POC1A: variants seen among roughly 807,000 people sequenced by gnomAD.
The protein encoded by POC1A is POC1 centriolar protein A, also known as POC1 centriolar protein homolog A.
In POC1A, 34 loss-of-function variants were observed where a neutral mutation model predicts 47.8. The ratio of observed to expected loss-of-function variants is 0.71; its 90% CI spans 0.54 to 0.95. The LOEUF (loss-of-function observed/expected upper bound fraction) is 0.95. Ranked by LOEUF, POC1A falls within the 40% of genes least tolerant of loss-of-function variation. The pLI is 0.00. For synonymous variants in POC1A, 177 were observed against 207.6 expected, an observed-to-expected ratio of 0.85 and a Z score of 1.27; for missense variants, 466 against 528.3, an observed-to-expected ratio of 0.88 and a Z score of 1.16.
chr3:52,138,456 C>A (rs551110771), intron 6 of POC1A, among the ~76,000 whole-genome samples, 154 bp from the exon 7 acceptor site: 1 of 152,284 alleles, frequency 6.6e-6, no homozygotes, highest in South Asian at 2.1e-4. Flanking sequence ...GGGAACCCAA[C>A]AAGGATTTCC....
chr3:52,145,974 G>A lies in POC1A; in HGVS notation c.564-13C>T. Reference sequence around the variant, plus strand: ...ATAGGTGACAAAGCTGGAAAGACAGGGGCCACTATGCACTATAGGAGGTCT... The same window carrying A: ...ATAGGTGACAAAGCTGGAAAGACAGAGGCCACTATGCACTATAGGAGGTCT... On this transcript the variant is annotated splice_polypyrimidine_tract_variant and intron_variant, in intron 5 of 10. Coordinates refer to ENST00000296484, the MANE Select transcript of POC1A (RefSeq NM_015426.5). 6.6e-7 allele frequency: 1 copy of A among 1,514,864 alleles called. No individual in the cohort carries two copies. Among genetic ancestry groups the A allele is most frequent in the Non-Finnish European group, 9.2e-7 (1 of 1,090,024 alleles). 93.8% of individuals were successfully genotyped at this position (1,514,864 alleles called of 1,614,324 possible).
chr3:52,142,341 A>G (rs1427192099), intron 6 of POC1A, among the ~76,000 whole-genome samples: 1 of 152,212 alleles, frequency 6.6e-6, no homozygotes. Context: ...ACCAGCCCAA[A>G]TCCTTGCTGA....
chr3:52,077,148 G>C (rs1216698112), intron 10 of POC1A, among the ~76,000 whole-genome samples: 1 of 152,164 alleles, frequency 6.6e-6, no homozygotes, highest in East Asian at 1.9e-4. Flanking sequence ...GGCCCCTGCT[G>C]GCCAATGGAT....
At chr3:52,133,341 T>C (rs1356653629) in intron 7 of POC1A, among the ~76,000 whole-genome samples, 1 of 152,190 alleles carries the variant, frequency 6.6e-6, no homozygotes, top group Admixed American at 6.5e-5. Context: ...AACTGAGAAA[T>C]AACTTTCTGT....
At chr3:52,118,607 T>C (rs2107074224) in intron 9 of POC1A, among the ~76,000 whole-genome samples, 1 of 152,270 alleles carries the variant, frequency 6.6e-6, no homozygotes, top group African/African-American at 2.4e-5. Flanking sequence ...TGCCGTGGTC[T>C]GCTAGTGGGT....
At chr3:52,083,629 A>G (rs968347324) in intron 10 of POC1A, among the ~76,000 whole-genome samples, 3 of 151,830 alleles carry the variant, frequency 2.0e-5, no homozygotes, top group African/African-American at 4.8e-5. Context: ...ATTTCCTTTC[A>G]AGGCCTCTTC....
intron 9 of POC1A, among the ~76,000 whole-genome samples, chr3:52,103,358 C>G (rs1334398755): frequency 6.6e-6 from 1 of 152,154 alleles, no homozygotes; most frequent in Admixed American, 6.5e-5. Flanking sequence ...AACACCACGT[C>G]TCTACTAAAA....
At chr3:52,076,354 C>T (rs1186023727) in intron 10 of POC1A, among the ~76,000 whole-genome samples, 4 of 152,226 alleles carry the variant, frequency 2.6e-5, no homozygotes. Context: ...AAACCAGTTT[C>T]CTTGTCTGAG....
At chr3:52,088,387 CT>C (rs1702532076) in intron 10 of POC1A, among the ~76,000 whole-genome samples, 1 of 152,214 alleles carries the variant, frequency 6.6e-6, no homozygotes, top group Non-Finnish European at 1.5e-5. Flanking sequence ...AAATGCCATG[CT>C]AAGTTCAAGG....
chr3:52,147,658 G>C (rs1010768724), intron 4 of POC1A, among the ~76,000 whole-genome samples: 1 of 151,830 alleles, frequency 6.6e-6, no homozygotes, highest in African/African-American at 2.4e-5. Context: ...GCCCAGGCTG[G>C]TCCTCTAACT....
At chr3:52,137,400 G>A (rs1704515443) in intron 7 of POC1A, among the ~76,000 whole-genome samples, 1 of 152,142 alleles carries the variant, frequency 6.6e-6, no homozygotes, top group Non-Finnish European at 1.5e-5. Flanking sequence ...AGCATGGCAG[G>A]CAGATTAGAG....
intron 10 of POC1A, among the ~76,000 whole-genome samples, chr3:52,086,200 T>C (rs1174051282): frequency 6.6e-6 from 1 of 152,162 alleles, no homozygotes; most frequent in African/African-American, 2.4e-5. Context: ...TGGTCCCCAC[T>C]GCTCTGAGTC....
chr3:52,093,293 C>G (rs963190802), intron 10 of POC1A, among the ~76,000 whole-genome samples: 6 of 152,200 alleles, frequency 3.9e-5, no homozygotes, highest in Non-Finnish European at 7.3e-5. Flanking sequence ...GGGTCTCACA[C>G]AGGGCCCACC....
chr3:52,100,526 C>T (rs1395222482), intron 9 of POC1A, among the ~76,000 whole-genome samples: 3 of 152,220 alleles, frequency 2.0e-5, no homozygotes, highest in Non-Finnish European at 4.4e-5. Context: ...AAGACAGACA[C>T]TTCCAAGGAA....
intron 7 of POC1A, among the ~76,000 whole-genome samples, chr3:52,128,532 C>T (rs975113835): frequency 1.3e-5 from 2 of 152,210 alleles, no homozygotes. Flanking sequence ...GGCTCCTGTT[C>T]TTCTGCCTAG....
chr3:52,154,180 G>A (rs1577937225), intron 1 of POC1A, among the ~76,000 whole-genome samples, 175 bp downstream of exon 1: 2 of 152,248 alleles, frequency 1.3e-5, no homozygotes, highest in South Asian at 4.1e-4. Flanking sequence ...CGCAGGAGGC[G>A]CTCAGAAAGT....
intron 10 of POC1A, among the ~76,000 whole-genome samples, chr3:52,085,182 T>A (rs921184320): frequency 5.9e-5 from 9 of 152,154 alleles, no homozygotes; most frequent in African/African-American, 2.2e-4. Flanking sequence ...GGCAGCCACA[T>A]CAGGGCTCTG....
intron 6 of POC1A, among the ~76,000 whole-genome samples, chr3:52,142,218 C>T (rs1217938983): frequency 6.6e-6 from 1 of 152,248 alleles, no homozygotes; most frequent in African/African-American, 2.4e-5. Flanking sequence ...GCACGAAGCA[C>T]ATTACAGGTT....
chr3:52,126,994 G>A (rs1704028123), intron 7 of POC1A, among the ~76,000 whole-genome samples: 1 of 152,150 alleles, frequency 6.6e-6, no homozygotes. Context: ...CCAAGTGCAG[G>A]GAACAAAGCC....
Sources: allele counts gnomAD v4.1 joint callset (sites outside exome capture counted in the v4.1 genomes callset), GRCh38; gene constraint gnomAD v4.1.1; transcripts MANE v1.5; gene names NCBI Gene and HGNC (gene_info 2026-07-23, HGNC 2026-07-21).